NR5A2: variants seen among roughly 807,000 people sequenced by gnomAD.
The protein encoded by NR5A2 is CYP7A promoter-binding factor.
NR5A2 carries 26 observed loss-of-function variants against 62.7 expected under a neutral mutation model. The observed-to-expected ratio is 0.41, with a 90% CI of 0.30 to 0.58. NR5A2 has a LOEUF of 0.58. Ranked by LOEUF, NR5A2 falls within the 20% of genes least tolerant of loss-of-function variation. The pLI is 0.22. For synonymous variants in NR5A2, 246 were observed against 241.7 expected, an observed-to-expected ratio of 1.02 and a Z score of -0.16; for missense variants, 541 against 669.1, an observed-to-expected ratio of 0.81 and a Z score of 2.11.
At chr1:200,161,171 C>T (rs977731056) in intron 7 of NR5A2, among the ~76,000 whole-genome samples, 4 of 152,030 alleles carry the variant, frequency 2.6e-5, no homozygotes, top group African/African-American at 4.8e-5. Flanking sequence ...TATCAAACAC[C>T]GTATGTATTT....
chr1:200,075,581 A>G (rs1171078663), intron 5 of NR5A2, among the ~76,000 whole-genome samples: 2 of 152,274 alleles, frequency 1.3e-5, no homozygotes, highest in African/African-American at 4.8e-5. Context: ...AAAACAGAGT[A>G]GTAATCTGTT....
intron 7 of NR5A2, among the ~76,000 whole-genome samples, chr1:200,123,105 C>T (rs771033512): frequency 6.6e-6 from 1 of 152,176 alleles, no homozygotes; most frequent in Non-Finnish European, 1.5e-5. Flanking sequence ...AGATGCTCCT[C>T]CTGAGCCTCG....
At chr1:200,067,741 G>A (rs921878078) in intron 5 of NR5A2, among the ~76,000 whole-genome samples, 1 of 152,090 alleles carries the variant, frequency 6.6e-6, no homozygotes, top group Admixed American at 6.5e-5. Context: ...AGTTCACCTA[G>A]GTAACAAACC....
chr1:200,123,951 G>T (rs1666590087), intron 7 of NR5A2, among the ~76,000 whole-genome samples: 1 of 151,750 alleles, frequency 6.6e-6, no homozygotes, highest in African/African-American at 2.4e-5. Context: ...ACAGGTGCCT[G>T]CCACCACACC....
At chr1:200,040,506 C>CA (rs959214531) in intron 2 of NR5A2, among the ~76,000 whole-genome samples, 1 of 152,088 alleles carries the variant, frequency 6.6e-6, no homozygotes, top group Non-Finnish European at 1.5e-5. Flanking sequence ...TGATTGCCAA[C>CA]AAAAAAACAA....
chr1:200,082,003 CTG>C (rs940361398), intron 5 of NR5A2, among the ~76,000 whole-genome samples: 2 of 152,086 alleles, frequency 1.3e-5, no homozygotes, highest in African/African-American at 4.8e-5. Context: ...GGATTTGTCA[CTG>C]TTTGTCAGCA....
At chr1:200,130,162 A>G (rs2102326745) in intron 7 of NR5A2, among the ~76,000 whole-genome samples, 1 of 152,340 alleles carries the variant, frequency 6.6e-6, no homozygotes, top group African/African-American at 2.4e-5. Flanking sequence ...ATTAATAAGT[A>G]AAGCAACTGA....
In NR5A2 at chr1:200,111,285, A is replaced by G. The variant is rs764887244; in HGVS notation, c.1194A>G (p.Gly398=). 1.2e-6 allele frequency: 2 copies of G among 1,613,650 alleles called. No homozygotes were observed. The highest frequency in any genetic ancestry group is 2.2e-5 in the South Asian group (2 of 91,050). ...ACATTTACCGACAAGTGGTACATGGAAAGGAAGGATCCATCTTCCTGGTTA... is the reference window on the plus strand; with the variant it reads ...ACATTTACCGACAAGTGGTACATGGGAAGGAAGGATCCATCTTCCTGGTTA... The part of the protein sequence containing the change: ...LDHIYRQVVH[G]KEGSIFLVTG... Residue 398 remains glycine, a synonymous_variant, in exon 6 of 8, where the codon GGA becomes GGG. Coordinates refer to ENST00000367362, the MANE Select transcript of NR5A2 (RefSeq NM_205860.3).
intron 5 of NR5A2, among the ~76,000 whole-genome samples, chr1:200,096,046 T>C (rs1198532032): frequency 6.6e-6 from 1 of 151,730 alleles, no homozygotes; most frequent in Non-Finnish European, 1.5e-5. Context: ...ACTGCATTTT[T>C]GTTATTCTAG....
In NR5A2 at chr1:200,147,647, T is replaced by C; in HGVS notation, c.1379-26316T>C. ...CGCAGCTTGCCCTGGATCTTGTCGA[T>C]TGAGTTGAAGTCGGACACGTGGAAG... On this transcript the variant is annotated intron_variant, in intron 7 of 7. Coordinates refer to ENST00000367362, the MANE Select transcript of NR5A2 (RefSeq NM_205860.3). This position sits in a 1 kb window ranked among gnomAD's most constrained non-coding sequence, Gnocchi z 4.9. The C allele has an allele frequency of 8.5e-6, 6 of 703,252 alleles. No individual in the cohort carries two copies. The highest frequency in any genetic ancestry group is 8.2e-5 in the South Asian group (6 of 73,188). The allele number at this position is 703,252 out of a possible 1,614,324, so 43.6% of individuals were successfully genotyped here.
chr1:200,133,313 T>C (rs1327469506), intron 7 of NR5A2, among the ~76,000 whole-genome samples: 1 of 151,950 alleles, frequency 6.6e-6, no homozygotes, highest in Non-Finnish European at 1.5e-5. Flanking sequence ...ACTCACACTT[T>C]GACTCTCTCC....
chr1:200,134,603 A>C (rs974932073), intron 7 of NR5A2, among the ~76,000 whole-genome samples: 2 of 152,196 alleles, frequency 1.3e-5, no homozygotes, highest in African/African-American at 2.4e-5. Flanking sequence ...ACTTCTCAGA[A>C]TGTATCCTTG....
intron 7 of NR5A2, among the ~76,000 whole-genome samples, chr1:200,153,653 A>AT (rs774453981): frequency 2.6e-5 from 4 of 152,202 alleles, no homozygotes; most frequent in East Asian, 3.9e-4. Flanking sequence ...TGTTTAATAC[A>AT]TTTTTTAAAA....
At chr1:200,109,297 C>A (rs1336802552) in intron 5 of NR5A2, among the ~76,000 whole-genome samples, 1 of 152,272 alleles carries the variant, frequency 6.6e-6, no homozygotes, top group East Asian at 1.9e-4. Flanking sequence ...TAAGTAATTT[C>A]TTTTTCTCTT....
At chr1:200,052,844 G>C (rs1662711360) in intron 5 of NR5A2, among the ~76,000 whole-genome samples, 1 of 152,026 alleles carries the variant, frequency 6.6e-6, no homozygotes, top group African/African-American at 2.4e-5. Flanking sequence ...GTTTCACCGT[G>C]TTAGCCAGGA....
In NR5A2 at chr1:200,132,771, T is replaced by C. The variant is rs182361316; in HGVS notation, c.1378+11816T>C. The stretch of plus-strand genomic sequence containing the variant: ...TGTCAACCACTCTGTTCAACTCCTC[T>C]GAAAGGAGTTGGGAAACTGCATGGG... On this transcript the variant is annotated intron_variant, in intron 7 of 7. Coordinates refer to ENST00000367362, the MANE Select transcript of NR5A2 (RefSeq NM_205860.3). Among the ~76,000 whole-genome samples the C allele has an allele frequency of 5.5e-3, 804 of 146,920 alleles. 4 individuals are homozygous for C. Among genetic ancestry groups the C allele is most frequent in the African/African-American group, 0.019 (769 of 39,898 alleles).
chr1:200,066,822 C>T (rs1047672260), intron 5 of NR5A2, among the ~76,000 whole-genome samples: 1 of 152,064 alleles, frequency 6.6e-6, no homozygotes, highest in African/African-American at 2.4e-5. Flanking sequence ...TTCTGACCTC[C>T]AGTGATCTGC....
chr1:200,049,924 C>T (rs1662547774), intron 5 of NR5A2, among the ~76,000 whole-genome samples: 1 of 152,238 alleles, frequency 6.6e-6, no homozygotes, highest in Non-Finnish European at 1.5e-5. Flanking sequence ...TAGCAGTCTA[C>T]ATTAAGCACT....
intron 7 of NR5A2, among the ~76,000 whole-genome samples, chr1:200,128,093 C>T (rs1367191414): frequency 6.6e-6 from 1 of 152,006 alleles, no homozygotes; most frequent in African/African-American, 2.4e-5. Context: ...ACCGTCATCC[C>T]TCAGTATATG....
Sources: allele counts gnomAD v4.1 joint callset (sites outside exome capture counted in the v4.1 genomes callset), GRCh38; gene constraint gnomAD v4.1.1; non-coding constraint Gnocchi (gnomAD v3.1); transcripts MANE v1.5; gene names NCBI Gene and HGNC (gene_info 2026-07-23, HGNC 2026-07-21).